The following SLC25A35 variants were observed in gnomAD, a reference collection of about 807,000 sequenced individuals.
SLC25A35 encodes the protein solute carrier family 25 member 35.
SLC25A35 carries 32 observed loss-of-function variants against 30.5 expected under a neutral mutation model. The observed-to-expected ratio is 1.05, with a 90% CI of 0.79 to 1.41. The LOEUF (loss-of-function observed/expected upper bound fraction) is 1.41. Among genes scored for constraint, SLC25A35 ranks in the 40% most tolerant of loss-of-function variants. SLC25A35 has a pLI of 0.00. For missense variants in SLC25A35, 369 were observed against 388.0 expected (o/e 0.95, Z 0.41); for synonymous variants, 142 against 158.1 (o/e 0.90, Z 0.77).
At position 8,293,726 on chromosome 17, in the gene SLC25A35, T is replaced by C. The variant is rs190398634; in HGVS notation, c.375+707A>G. Reference sequence around the variant, plus strand: ...ACCACCACGCCCGGCTAATTTTTTGTATTTTTAGTAGAGACGGGGTTTCAC... The same window carrying C: ...ACCACCACGCCCGGCTAATTTTTTGCATTTTTAGTAGAGACGGGGTTTCAC... On this transcript the variant is annotated intron_variant, in intron 1 of 4. Transcript: ENST00000577745. 9.0e-3 allele frequency among the ~76,000 whole-genome samples: 1,355 copies of C among 150,424 alleles called. 14 individuals carry two copies. The highest frequency in any genetic ancestry group is 0.032 in the African/African-American group (1,306 of 41,002).
In SLC25A35 at chr17:8,291,569, A is replaced by C. The variant is rs980676889; in HGVS notation, c.442-84T>G. 4 of 1,479,162 alleles carry C rather than the reference A, an allele frequency of 2.7e-6. No homozygotes were observed. In the East Asian group the frequency reaches 7.5e-5, roughly 28 times the overall value. 91.6% of individuals were successfully genotyped at this position (1,479,162 alleles called of 1,614,324 possible). A position where few individuals can be genotyped will look rare whatever the true frequency, so the allele number is the denominator to read the frequency against. On this transcript the variant is annotated intron_variant, in intron 2 of 4. Transcript: ENST00000577745. ...CTAACACTGCCAAGGATGGGTCCTT[A>C]ATAGGAATCTCTTGTCCAGACAACC... is the stretch of plus-strand genomic sequence containing the variant.
intron 2 of SLC25A35, 94 bp downstream of exon 2, chr17:8,292,429 C>G: frequency 8.3e-7 from 1 of 1,208,216 alleles, no homozygotes; most frequent in South Asian, 1.2e-5. Flanking sequence ...TTGAGCAGAG[C>G]AGTGGCTGGG....
Position 8,290,844 on chromosome 17 carries a change from T to G in SLC25A35, c.727A>C (p.Lys243Gln). The change falls in exon 4 of 5, where the codon AAG becomes CAG. Residue 243 changes from lysine to glutamine, a missense_variant and splice_region_variant. By Grantham distance (53) the Lys-to-Gln change is moderately conservative. Transcript: ENST00000577745. ...TGCATCCCAGAGCACTTCCTTACCT[T>G]GCCCTGTGCATCTGTGGGCTGGTTG... ...LYNQPTDAQG[K>Q]GLMYRGILDA... The G allele has an allele frequency of 6.2e-7, 1 of 1,613,904 alleles. No individual in the cohort carries two copies. The highest frequency in any genetic ancestry group is 1.1e-5 in the South Asian group (1 of 91,080).
In SLC25A35 at chr17:8,290,591, A is replaced by G; in HGVS notation, c.817T>C (p.Ser273Pro). The part of the protein sequence containing the change: ...IFGMYKGIGA[S>P]YFRLGPHTIL... ...GTGTGGGGGCCGAGGCGGAAGTAGG[A>G]GGCACCTATACCCTTGTACATGCCA... The change falls in exon 5 of 5, where the codon TCC (serine) becomes CCC (proline). Residue 273 changes from serine to proline, a missense_variant. By Grantham distance (74) the Ser-to-Pro change is moderately conservative. Coordinates refer to ENST00000577745, the MANE Select transcript of SLC25A35 (RefSeq NM_001320870.2). 1.3e-6 allele frequency: 2 copies of G among 1,536,310 alleles called. No homozygotes were observed. The highest frequency in any genetic ancestry group is 1.7e-6 in the Non-Finnish European group (2 of 1,146,922).
chr17:8,291,127 A>C (rs1990463691), intron 3 of SLC25A35, 151 bp from the exon 4 acceptor site: 1 of 1,303,754 alleles, frequency 7.7e-7, no homozygotes, highest in East Asian at 2.5e-5. Flanking sequence ...AGAAGGAGGA[A>C]GGCCAGGGTA....
chr17:8,292,505 A>G lies in SLC25A35; in HGVS notation c.441+18T>C, dbSNP rs765780536. ...AGAAAGGATGGTCAGGGACTTTGGCAGACTTGGGAACCCTCACCTGATGCT... is the reference window on the plus strand; with the variant it reads ...AGAAAGGATGGTCAGGGACTTTGGCGGACTTGGGAACCCTCACCTGATGCT... On this transcript the variant is annotated intron_variant, in intron 2 of 4. Coordinates refer to ENST00000577745, the MANE Select transcript of SLC25A35 (RefSeq NM_001320870.2). 2 of 1,613,558 alleles carry G rather than the reference A, an allele frequency of 1.2e-6. No individual in the cohort carries two copies. The highest frequency in any genetic ancestry group is 1.7e-5 in the Admixed American group (1 of 59,982).
Position 8,290,149 on chromosome 17 carries a change from T to C in SLC25A35, c.*356A>G, listed in dbSNP as rs1204684259. 2.1e-6 allele frequency: 3 copies of C among 1,445,624 alleles called. No individual in the cohort carries two copies. The highest frequency in any genetic ancestry group is 2.9e-5 in the African/African-American group (2 of 69,778). 89.5% of individuals were successfully genotyped at this position (1,445,624 alleles called of 1,614,324 possible). ...GGGTCCCAGACGCCTGGGAATTGGG[T>C]CTCTCGATTCCCTTTGGTTTTGGAG... On this transcript the variant is annotated 3_prime_UTR_variant, in exon 5 of 5. Transcript: ENST00000577745.
intron 2 of SLC25A35, among the ~76,000 whole-genome samples, chr17:8,292,257 G>A (rs1388898274): frequency 6.6e-6 from 1 of 152,168 alleles, no homozygotes; most frequent in Non-Finnish European, 1.5e-5. Flanking sequence ...TACTCGGGAG[G>A]CTGAGGCAGG....
At position 8,290,652 on chromosome 17, in the gene SLC25A35, G is replaced by C. The variant is rs757482471; in HGVS notation, c.756C>G (p.Asp252Glu). ...CGGTCCGAGCTGTCTGCAGCAGAGC[G>C]TCCAGTATCCCCCGGTACATGAGGC... ...GKGLMYRGIL[D>E]ALLQTARTEG... is the part of the protein sequence containing the mutation. The change falls in exon 5 of 5, where the codon GAC becomes GAG. Residue 252 changes from aspartate to glutamate, a missense_variant. Transcript: ENST00000577745. The C allele has an allele frequency of 3.2e-6, 5 of 1,559,748 alleles. No homozygotes were observed. The highest frequency in any genetic ancestry group is 2.4e-5 in the East Asian group (1 of 42,498).
chr17:8,295,344 G>T lies in SLC25A35; in HGVS notation c.-537C>A. The T allele has an allele frequency of 1.0e-6, 1 of 985,746 alleles. No individual in the cohort carries two copies. Among genetic ancestry groups the T allele is most frequent in the Non-Finnish European group, 1.2e-6 (1 of 830,186 alleles). 61.1% of individuals were successfully genotyped at this position (985,746 alleles called of 1,614,324 possible). On this transcript the variant is annotated 5_prime_UTR_variant, in exon 1 of 5. Transcript: ENST00000577745. ...CGTCCCCAGGCAGCCACCGGAGCTCGCAGTAGCTTCAACCCCGGGTAGCCT... is the reference window on the plus strand; with the variant it reads ...CGTCCCCAGGCAGCCACCGGAGCTCTCAGTAGCTTCAACCCCGGGTAGCCT...
Position 8,290,264 on chromosome 17 carries a change from A to T in SLC25A35, c.*241T>A. On this transcript the variant is annotated 3_prime_UTR_variant, in exon 5 of 5. Transcript: ENST00000577745. Reference sequence around the variant, plus strand: ...AAATACACTTTGGGATGACTCGTTCAGCCCTGAGAGAGGGGTGTGAGTTAC... The same window carrying T: ...AAATACACTTTGGGATGACTCGTTCTGCCCTGAGAGAGGGGTGTGAGTTAC... 1.4e-6 allele frequency: 2 copies of T among 1,425,782 alleles called. No individual in the cohort carries two copies. Among genetic ancestry groups the T allele is most frequent in the Non-Finnish European group, 1.8e-6 (2 of 1,095,410 alleles). 88.3% of individuals were successfully genotyped at this position (1,425,782 alleles called of 1,614,324 possible). A position where few individuals can be genotyped will look rare whatever the true frequency, so the allele number is the denominator to read the frequency against.
At chr17:8,292,736 G>T in intron 1 of SLC25A35, 148 bp from the exon 2 acceptor site, 1 of 727,728 alleles carries the variant, frequency 1.4e-6, no homozygotes, top group Non-Finnish European at 2.4e-6. Context: ...TTAACAAACT[G>T]GTTAACAAAA....
downstream of SLC25A35, chr17:8,289,375 C>T (rs149089464): frequency 1.2e-6 from 2 of 1,613,958 alleles, no homozygotes; most frequent in Admixed American, 3.3e-5. Flanking sequence ...AAGCCTGGGT[C>T]CTCTCTGGCA....
intron 3 of SLC25A35, 45 bp downstream of exon 3, chr17:8,291,288 C>T: frequency 6.2e-7 from 1 of 1,606,516 alleles, no homozygotes; most frequent in Non-Finnish European, 8.5e-7. Flanking sequence ...TTGCCCTCCC[C>T]TTCCCCCCTT....
intron 1 of SLC25A35, 79 bp downstream of exon 1, chr17:8,294,354 T>C: frequency 2.1e-6 from 3 of 1,455,796 alleles, no homozygotes; most frequent in East Asian, 2.3e-5. Flanking sequence ...CTCTGCCACC[T>C]ATGCCCTTGG....
intron 2 of SLC25A35, 90 bp downstream of exon 2, chr17:8,292,433 G>T: frequency 7.8e-7 from 1 of 1,281,540 alleles, no homozygotes; most frequent in Non-Finnish European, 1.1e-6. Flanking sequence ...GCAGAGCAGT[G>T]GCTGGGATTG....
Position 8,290,457 on chromosome 17 carries a change from A to C in SLC25A35, c.*48T>G. The C allele has an allele frequency of 6.6e-7, 1 of 1,526,220 alleles. No homozygotes were observed. The highest frequency in any genetic ancestry group is 8.8e-7 in the Non-Finnish European group (1 of 1,141,530). The allele number at this position is 1,526,220 out of a possible 1,614,324, so 94.5% of individuals were successfully genotyped here. ...GTCACCAGGACATAGTGGTGGAGGC[A>C]CAAGTGGCCAAGGAGTGCTCATTTG... On this transcript the variant is annotated 3_prime_UTR_variant, in exon 5 of 5. Transcript: ENST00000577745.
rs3033783 is a variant in SLC25A35, at chr17:8,293,552, C to CTTT, written c.375+878_375+880dup. Among the ~76,000 whole-genome samples the CTTT allele has an allele frequency of 7.0e-5, 9 of 129,170 alleles. No homozygotes were observed. In the East Asian group the frequency reaches 1.7e-3, roughly 24 times the overall value. The allele number at this position is 129,170 out of a possible 152,430, so 84.7% of individuals were successfully genotyped here. On this transcript the variant is annotated intron_variant, in intron 1 of 4. Coordinates refer to ENST00000577745, the MANE Select transcript of SLC25A35 (RefSeq NM_001320870.2). ...AACAACTAGTAATTTTCTTTCTTTT[C>CTTT]TTTTTTTTTTTTTTTTTGAGACGGA... is the stretch of plus-strand genomic sequence containing the variant.
downstream of SLC25A35, chr17:8,288,143 A>G: frequency 6.3e-6 from 1 of 157,492 alleles, no homozygotes; most frequent in Non-Finnish European, 1.4e-5. Flanking sequence ...CCACTTGAAA[A>G]GGACGAGGAG....
Sources: gnomAD v4.1 joint callset for allele counts (sites outside exome capture counted in the v4.1 genomes callset) on GRCh38, gnomAD v4.1.1 for gene constraint, MANE v1.5 for transcripts, NCBI Gene and HGNC (gene_info 2026-07-23, HGNC 2026-07-21) for gene names.